HLA-DRB5: variants seen among roughly 807,000 people sequenced by gnomAD.
The protein encoded by HLA-DRB5 is DR beta-5.
A neutral mutation model predicts 22.4 loss-of-function variants in HLA-DRB5; 11 were observed. That is an observed-to-expected ratio of 0.49 (90% CI 0.31 to 0.81). HLA-DRB5 has a LOEUF of 0.81. HLA-DRB5 is among the 40% of genes least tolerant of loss of function. The pLI is 0.05. For missense variants in HLA-DRB5, 106 were observed against 274.4 expected, an observed-to-expected ratio of 0.39 and a Z score of 4.34; for synonymous variants, 57 against 106.0, an observed-to-expected ratio of 0.54 and a Z score of 2.84.
intron 1 of HLA-DRB5, among the ~76,000 whole-genome samples, chr6:32,523,840 T>C (rs74290585): frequency 0.32 from 25,959 of 82,050 alleles, 1,018 homozygotes; most frequent in Middle Eastern, 0.41. Context: ...AAGAGCACAG[T>C]GTGAAACAGT....
At chr6:32,529,187 G>T (rs115338068) in intron 1 of HLA-DRB5, among the ~76,000 whole-genome samples, 7,664 of 119,042 alleles carry the variant, frequency 0.064, no homozygotes, top group Admixed American at 0.12. Context: ...TCAGCCCTAT[G>T]AGATGTGAAC....
intron 1 of HLA-DRB5, among the ~76,000 whole-genome samples, chr6:32,525,052 T>TGCCA (rs1434425041): frequency 2.1e-5 from 1 of 46,614 alleles, no homozygotes; most frequent in Non-Finnish European, 4.4e-5. Context: ...AAGTTTCTTT[T>TGCCA]ATACATTGGA....
intron 1 of HLA-DRB5, among the ~76,000 whole-genome samples, chr6:32,523,793 C>G (rs77936321): frequency 0.67 from 47,571 of 70,962 alleles, 18,784 homozygotes; most frequent in Middle Eastern, 0.82. Context: ...GAATTGGGTG[C>G]TGAGTGTATA....
At chr6:32,524,870 G>A (rs1183686643) in intron 1 of HLA-DRB5, among the ~76,000 whole-genome samples, 1 of 47,800 alleles carries the variant, frequency 2.1e-5, no homozygotes. Flanking sequence ...AATTGTGGTC[G>A]TGTGTCTGAA....
Position 32,519,428 on chromosome 6 carries a change from C to T in HLA-DRB5, c.594G>A (p.Glu198=), listed in dbSNP as rs149415995. ...GGTGCTCCACTTGGCAGGTGTAAAC[C>T]TCTCCACTTCGAGGAACTGTTTCCA... ...VMLETVPRSG[E]VYTCQVEHPS... Residue 198 remains glutamate, a synonymous_variant, in exon 3 of 6, where the codon GAG becomes GAA. Transcript: ENST00000374975. The T allele has an allele frequency of 0.076, 90,563 of 1,186,542 alleles. 37 individuals carry two copies. Among genetic ancestry groups the T allele is most frequent in the Non-Finnish European group, 0.086 (75,128 of 874,874 alleles). The allele number at this position is 1,186,542 out of a possible 1,614,324, so 73.5% of individuals were successfully genotyped here.
At chr6:32,521,314 A>G (rs1297438637) in intron 2 of HLA-DRB5, among the ~76,000 whole-genome samples, 1 of 129,974 alleles carries the variant, frequency 7.7e-6, no homozygotes, top group Non-Finnish European at 1.7e-5. Context: ...AAATAGCAAG[A>G]AATTTAGACC....
At chr6:32,529,054 CTG>C (rs770242206) in intron 1 of HLA-DRB5, among the ~76,000 whole-genome samples, 2,390 of 143,842 alleles carry the variant, frequency 0.017, no homozygotes, top group Middle Eastern at 0.028. Flanking sequence ...TAGAGAGAAA[CTG>C]GAGGAAGAGG....
chr6:32,521,846 CA>C (rs1768928039), intron 2 of HLA-DRB5, 58 bp downstream of exon 2: 1 of 849,006 alleles, frequency 1.2e-6, no homozygotes, highest in Non-Finnish European at 1.8e-6. Context: ...CACACACACA[CA>C]CACACACTCA....
Position 32,521,971 on chromosome 6 carries a change from C to A in HLA-DRB5, c.304G>T (p.Ala102Ser), listed in dbSNP as rs749149136. ...SQKDFLEDRR[A>S]AVDTYCRHNY... is the part of the protein sequence containing the mutation. ...TGTCTGCAGTAGGTGTCCACCGCGG[C>A]GCGCCTGTCTTCCAGGAAGTCCTTC... Residue 102 changes from alanine to serine, a missense_variant, in exon 2 of 6, where the codon GCC becomes TCC. Transcript: ENST00000374975. 1 of 1,404,766 alleles carries A rather than the reference C, an allele frequency of 7.1e-7. No individual in the cohort carries two copies. Among genetic ancestry groups the A allele is most frequent in the South Asian group, 1.2e-5 (1 of 84,234 alleles). 87.0% of individuals were successfully genotyped at this position (1,404,766 alleles called of 1,614,324 possible). A position where few individuals can be genotyped will look rare whatever the true frequency, so the allele number is the denominator to read the frequency against.
At chr6:32,521,628 C>T (rs140604330) in intron 2 of HLA-DRB5, among the ~76,000 whole-genome samples, 15,937 of 36,342 alleles carry the variant, frequency 0.44, 4,247 homozygotes, top group Middle Eastern at 0.54. Context: ...ATGTCACCTC[C>T]CCACAGAGGC....
intron 1 of HLA-DRB5, among the ~76,000 whole-genome samples, chr6:32,524,592 GT>G (rs200282003): frequency 0.52 from 40,678 of 78,314 alleles, 12,009 homozygotes; most frequent in Middle Eastern, 0.67. Flanking sequence ...CAGACTTTGT[GT>G]AGAGACCTTC....
chr6:32,529,191 T>C (rs200781348), intron 1 of HLA-DRB5, among the ~76,000 whole-genome samples: 21,730 of 111,658 alleles, frequency 0.19, 34 homozygotes, highest in East Asian at 0.24. Flanking sequence ...CCCTATGAGA[T>C]GTGAACAATG....
chr6:32,518,318 A>C (rs186726360), intron 4 of HLA-DRB5, among the ~76,000 whole-genome samples: 588 of 38,084 alleles, frequency 0.015, no homozygotes, highest in Non-Finnish European at 0.022. Context: ...CCAGGATTTC[A>C]AACCAAAGGA....
chr6:32,530,025 A>ACCTCACAATT, intron 1 of HLA-DRB5, 100 bp downstream of exon 1: 1 of 603,834 alleles, frequency 1.7e-6, no homozygotes, highest in East Asian at 3.5e-5. Context: ...TCTGAAGAAA[A>ACCTCACAATT]TGTCACAATT....
chr6:32,530,068 CAAA>C, intron 1 of HLA-DRB5, 54 bp downstream of exon 1: 2 of 947,496 alleles, frequency 2.1e-6, no homozygotes, highest in Non-Finnish European at 3.0e-6. Context: ...ACAATGTTAA[CAAA>C]ACTCCCTATT....
Position 32,519,536 on chromosome 6 carries a change from C to A in HLA-DRB5, c.486G>T (p.Arg162=). 2 of 1,518,504 alleles carry A rather than the reference C, an allele frequency of 1.3e-6. No homozygotes were observed. Among genetic ancestry groups the A allele is most frequent in the Non-Finnish European group, 1.8e-6 (2 of 1,129,878 alleles). The allele number at this position is 1,518,504 out of a possible 1,614,324, so 94.1% of individuals were successfully genotyped here. The part of the protein sequence containing the change: ...YPGSIEVRWF[R]NSQEEKAGVV... ...CCCCAGCCTTCTCTTCCTGGCTGTT[C>A]CGGAACCACCTGACTTCAATGCTGC... The change falls in exon 3 of 6, where the codon CGG becomes CGT. Residue 162 remains arginine, a synonymous_variant. Transcript: ENST00000374975.
intron 1 of HLA-DRB5, among the ~76,000 whole-genome samples, chr6:32,523,618 GACCAACA>G (rs1184377659): frequency 3.7e-3 from 318 of 85,550 alleles, no homozygotes; most frequent in Non-Finnish European, 4.7e-3. Flanking sequence ...AGGTAGTGCT[GACCAACA>G]ACTCATGAAA....
chr6:32,522,958 T>TTGA (rs1769128400), intron 1 of HLA-DRB5, among the ~76,000 whole-genome samples: 46 of 111,458 alleles, frequency 4.1e-4, no homozygotes, highest in East Asian at 7.4e-4. Flanking sequence ...AAAGCTTGAA[T>TTGA]TGATGAACTT....
chr6:32,528,200 T>C (rs559239637), intron 1 of HLA-DRB5, among the ~76,000 whole-genome samples: 5,683 of 51,510 alleles, frequency 0.11, 184 homozygotes, highest in Middle Eastern at 0.16. Flanking sequence ...ACATATGAAC[T>C]AAAGTAGGTG....
Sources: allele counts gnomAD v4.1 joint callset (sites outside exome capture counted in the v4.1 genomes callset), GRCh38; gene constraint gnomAD v4.1.1; transcripts MANE v1.5; gene names NCBI Gene and HGNC (gene_info 2026-07-23, HGNC 2026-07-21).